Variants in TRDN observed in about 807,000 individuals in gnomAD.
TRDN encodes the protein triadin.
Under a neutral mutation model 149.7 loss-of-function variants are expected in TRDN, and 161 were observed. That is an observed-to-expected ratio of 1.08 (90% CI 0.95 to 1.23). The LOEUF is 1.23. TRDN is among the 50% of genes most tolerant of loss of function. The probability of loss-of-function intolerance (pLI) is 0.00; values close to 1 mark genes in which losing one functional copy is unlikely to be tolerated. For synonymous variants in TRDN, 294 were observed against 250.5 expected, an observed-to-expected ratio of 1.17 and a Z score of -1.64; for missense variants, 896 against 823.5, an observed-to-expected ratio of 1.09 and a Z score of -1.08.
At chr6:123,418,947 G>A (rs2114535484) in intron 12 of TRDN, among the ~76,000 whole-genome samples, 1 of 152,118 alleles carries the variant, frequency 6.6e-6, no homozygotes, top group Non-Finnish European at 1.5e-5. Context: ...GCACCAGGAC[G>A]ACTGAATCAT....
At chr6:123,583,923 T>C (rs984354332) in intron 1 of TRDN, 1 of 266,742 alleles carries the variant, frequency 3.7e-6, no homozygotes. Context: ...GTTATTTCCT[T>C]GAGGATAGAT....
intron 9 of TRDN, among the ~76,000 whole-genome samples, chr6:123,490,770 A>G (rs1778179930): frequency 6.6e-6 from 1 of 152,236 alleles, no homozygotes; most frequent in African/African-American, 2.4e-5. Context: ...GAATTTAAAA[A>G]TAATTGAATG....
chr6:123,505,200 C>T (rs1173872098), intron 7 of TRDN, among the ~76,000 whole-genome samples: 1 of 128,200 alleles, frequency 7.8e-6, no homozygotes, highest in Non-Finnish European at 1.5e-5. Context: ...GCCGAGATTG[C>T]GCCATTGCAC....
intron 8 of TRDN, among the ~76,000 whole-genome samples, chr6:123,501,179 G>GAGTAACTA (rs1254637615): frequency 6.6e-6 from 1 of 151,934 alleles, no homozygotes; most frequent in Non-Finnish European, 1.5e-5. Flanking sequence ...ACAATATTGA[G>GAGTAACTA]AGTAACTACA....
At chr6:123,628,073 G>T (rs543471367) in intron 1 of TRDN, among the ~76,000 whole-genome samples, 1 of 152,120 alleles carries the variant, frequency 6.6e-6, no homozygotes, top group Middle Eastern at 3.4e-3. Context: ...TCATTCATGT[G>T]TTCAGTAGCA....
chr6:123,310,433 G>T (rs1327500140), intron 24 of TRDN, among the ~76,000 whole-genome samples: 1 of 152,014 alleles, frequency 6.6e-6, no homozygotes, highest in East Asian at 1.9e-4. Context: ...ATACCAGCAG[G>T]AGTGAAAACC....
intron 7 of TRDN, among the ~76,000 whole-genome samples, chr6:123,510,726 C>T (rs1005552681): frequency 1.9e-4 from 29 of 151,756 alleles, no homozygotes; most frequent in African/African-American, 7.0e-4. Flanking sequence ...TCACTGCAAC[C>T]TCTGCGTCCA....
chr6:123,258,045 G>T (rs9482373), intron 35 of TRDN, among the ~76,000 whole-genome samples: 90,835 of 151,962 alleles, frequency 0.6, 27,598 homozygotes, highest in Admixed American at 0.67. Flanking sequence ...CTGTGACGAT[G>T]GGGTTTTCTA....
At chr6:123,572,517 A>G (rs1782634943) in intron 1 of TRDN, among the ~76,000 whole-genome samples, 2 of 152,136 alleles carry the variant, frequency 1.3e-5, no homozygotes, top group Non-Finnish European at 2.9e-5. Flanking sequence ...AGTTAAATCT[A>G]GAAGTAACTG....
chr6:123,340,594 C>T (rs1028502177), intron 21 of TRDN, among the ~76,000 whole-genome samples: 3 of 152,070 alleles, frequency 2.0e-5, no homozygotes, highest in African/African-American at 4.8e-5. Flanking sequence ...ACCCAGCTTG[C>T]TCTACTGAAG....
chr6:123,221,308 C>G (rs1374839853), intron 40 of TRDN, among the ~76,000 whole-genome samples, 179 bp downstream of exon 40: 1 of 151,752 alleles, frequency 6.6e-6, no homozygotes, highest in South Asian at 2.1e-4. Context: ...TCTTGCCTAA[C>G]ACAAAAGTGA....
At chr6:123,271,218 G>A in intron 29 of TRDN, 32 bp from the exon 30 acceptor site, 1 of 1,453,906 alleles carries the variant, frequency 6.9e-7, no homozygotes, top group Non-Finnish European at 9.3e-7. Flanking sequence ...ACACAAGTAG[G>A]AAATTTGAAT....
At chr6:123,521,620 G>T (rs1265256730) in intron 5 of TRDN, among the ~76,000 whole-genome samples, 1 of 152,044 alleles carries the variant, frequency 6.6e-6, no homozygotes, top group African/African-American at 2.4e-5. Flanking sequence ...TAATATTAAG[G>T]CTAATGTTAA....
chr6:123,440,418 A>G (rs1774812477), intron 10 of TRDN, among the ~76,000 whole-genome samples: 1 of 152,172 alleles, frequency 6.6e-6, no homozygotes, highest in African/African-American at 2.4e-5. Context: ...ATCATATTTA[A>G]AATTCTGAAT....
chr6:123,519,718 G>A (rs1329978210), intron 5 of TRDN, among the ~76,000 whole-genome samples: 1 of 146,414 alleles, frequency 6.8e-6, no homozygotes, highest in African/African-American at 2.6e-5. Context: ...CTAATCTTGA[G>A]TACCCAACCA....
Position 123,601,204 on chromosome 6 carries a change from T to G in TRDN, c.23-30072A>C, listed in dbSNP as rs575820700. Reference sequence around the variant, plus strand: ...TAAAGATATCAGTATTAAAGTTTTATATTTTTCTGGATGCACAGCAGAGAT... The same window carrying G: ...TAAAGATATCAGTATTAAAGTTTTAGATTTTTCTGGATGCACAGCAGAGAT... On this transcript the variant is annotated intron_variant, in intron 1 of 40. Transcript: ENST00000334268. Among the ~76,000 whole-genome samples the G allele has an allele frequency of 1.6e-4, 25 of 152,278 alleles. No individual in the cohort carries two copies. The South Asian group carries it at 2.9e-3, about 18-fold the overall frequency.
chr6:123,327,503 A>G (rs929100525), intron 23 of TRDN, among the ~76,000 whole-genome samples: 17 of 152,218 alleles, frequency 1.1e-4, no homozygotes, highest in African/African-American at 4.1e-4. Flanking sequence ...GCCTTTAAAA[A>G]TGGATTTCAA....
intron 12 of TRDN, among the ~76,000 whole-genome samples, chr6:123,428,830 T>A (rs376213229): frequency 6.6e-6 from 1 of 152,322 alleles, no homozygotes; most frequent in South Asian, 2.1e-4. Context: ...GTATAATTTT[T>A]ACTTATTTGT....
intron 1 of TRDN, among the ~76,000 whole-genome samples, chr6:123,595,307 G>A (rs1320153441): frequency 7.2e-5 from 11 of 152,012 alleles, no homozygotes; most frequent in Non-Finnish European, 1.6e-4. Flanking sequence ...CTATGAAACA[G>A]GATTTTATTA....
Sources: gnomAD v4.1 joint callset for allele counts (sites outside exome capture counted in the v4.1 genomes callset) on GRCh38, gnomAD v4.1.1 for gene constraint, MANE v1.5 for transcripts, NCBI Gene and HGNC (gene_info 2026-07-23, HGNC 2026-07-21) for gene names.